GULP1: variants seen among roughly 807,000 people sequenced by gnomAD.
GULP1 encodes the protein GULP PTB domain containing engulfment adaptor 1.
A neutral mutation model predicts 40.9 loss-of-function variants in GULP1; 19 were observed. That is an observed-to-expected ratio of 0.46 (90% CI 0.32 to 0.68). The LOEUF (loss-of-function observed/expected upper bound fraction) is 0.68. GULP1 is among the 30% of genes least tolerant of loss of function. The pLI, the probability that GULP1 is intolerant of heterozygous loss-of-function variation, is 0.03. For missense variants in GULP1, 312 were observed against 362.2 expected, an observed-to-expected ratio of 0.86 and a Z score of 1.12; for synonymous variants, 119 against 117.6, an observed-to-expected ratio of 1.01 and a Z score of -0.08.
chr2:188,302,844 C>T (rs1279902458), intron 1 of GULP1, among the ~76,000 whole-genome samples: 1 of 152,166 alleles, frequency 6.6e-6, no homozygotes, highest in Admixed American at 6.5e-5. Flanking sequence ...GATGATATCT[C>T]ATCACCCTAA....
rs142926025 is a variant in GULP1 at position 188,516,587 on chromosome 2, A to T, written c.91-6169A>T. ...GTTTTTCCTCTTCTCTATTTCTAGG[A>T]CTCTATTTGGTTTAATGTTGGCTCT... On this transcript the variant is annotated intron_variant, in intron 4 of 11. Transcript: ENST00000409830. Among the ~76,000 whole-genome samples, 240 of 151,324 alleles carry T rather than the reference A, an allele frequency of 1.6e-3. 1 individual carries two copies. The highest frequency in any genetic ancestry group is 7.7e-3 in the South Asian group (37 of 4,776).
chr2:188,498,542 A>C (rs1384392643), intron 4 of GULP1, among the ~76,000 whole-genome samples: 2 of 151,916 alleles, frequency 1.3e-5, no homozygotes, highest in African/African-American at 4.8e-5. Flanking sequence ...AATAAACCAA[A>C]AAATGTTTTA....
intron 2 of GULP1, among the ~76,000 whole-genome samples, chr2:188,396,268 C>T (rs550320269): frequency 4.2e-4 from 64 of 152,272 alleles, no homozygotes; most frequent in Non-Finnish European, 3.7e-4. Context: ...CCAGAACAGC[C>T]GGAGGGGCAA....
At position 188,543,476 on chromosome 2, in the gene GULP1, A is replaced by G. The variant is rs148661546; in HGVS notation, c.399+2158A>G. ...CTCAAAATTTTGTTATACCTGCACT[A>G]TCTTAACTATGAGGTTTTATCAGTG... On this transcript the variant is annotated intron_variant, in intron 7 of 11. Coordinates refer to ENST00000409830, the MANE Select transcript of GULP1 (RefSeq NM_016315.4). Among the ~76,000 whole-genome samples, 660 of 152,278 alleles carry G rather than the reference A, an allele frequency of 4.3e-3. 3 individuals carry two copies. The highest frequency in any genetic ancestry group is 6.3e-3 in the Non-Finnish European group (431 of 68,018).
At chr2:188,351,656 A>G (rs1479295698) in intron 1 of GULP1, among the ~76,000 whole-genome samples, 1 of 152,176 alleles carries the variant, frequency 6.6e-6, no homozygotes, top group Non-Finnish European at 1.5e-5. Context: ...ATTTACATGA[A>G]TGTATTCCAA....
At chr2:188,576,168 A>G (rs1362734119) in intron 9 of GULP1, among the ~76,000 whole-genome samples, 2 of 152,054 alleles carry the variant, frequency 1.3e-5, no homozygotes, top group Admixed American at 6.6e-5. Flanking sequence ...TAGACAGCCA[A>G]TTGGAGATGC....
At chr2:188,466,526 C>T (rs1446928375) in intron 2 of GULP1, 1 of 150,822 alleles carries the variant, frequency 6.6e-6, no homozygotes, top group Non-Finnish European at 1.5e-5. Context: ...CTCCTGACCT[C>T]GTGATCCGCC....
At chr2:188,321,325 G>T (rs1289092806) in intron 1 of GULP1, among the ~76,000 whole-genome samples, 1 of 152,006 alleles carries the variant, frequency 6.6e-6, no homozygotes, top group African/African-American at 2.4e-5. Flanking sequence ...AATTTCAAAA[G>T]ATTTGAAAAT....
chr2:188,327,467 T>C (rs921242293), intron 1 of GULP1, among the ~76,000 whole-genome samples: 1 of 152,212 alleles, frequency 6.6e-6, no homozygotes, highest in African/African-American at 2.4e-5. Flanking sequence ...TTGGGACTGG[T>C]CAGATGACAA....
At chr2:188,512,007 G>A (rs969647158) in intron 4 of GULP1, among the ~76,000 whole-genome samples, 2 of 152,016 alleles carry the variant, frequency 1.3e-5, no homozygotes, top group Admixed American at 6.6e-5. Context: ...TTTAGCAAAT[G>A]ACTATTATGA....
intron 2 of GULP1, among the ~76,000 whole-genome samples, chr2:188,401,667 G>A (rs1042043904): frequency 6.6e-6 from 1 of 151,960 alleles, no homozygotes; most frequent in Admixed American, 6.6e-5. Flanking sequence ...ATATATATGG[G>A]GATAGTATTG....
At chr2:188,537,708 TAGAG>T (rs1689298946) in intron 6 of GULP1, among the ~76,000 whole-genome samples, 1 of 152,088 alleles carries the variant, frequency 6.6e-6, no homozygotes, top group South Asian at 2.1e-4. Context: ...TCGAATGAGT[TAGAG>T]AGAGGTTCCT....
chr2:188,321,547 T>C (rs1247174091), intron 1 of GULP1, among the ~76,000 whole-genome samples: 2 of 152,174 alleles, frequency 1.3e-5, no homozygotes, highest in Non-Finnish European at 2.9e-5. Flanking sequence ...AAAATGTTTT[T>C]CACATATAAG....
chr2:188,539,136 G>A (rs1689758204), intron 6 of GULP1, among the ~76,000 whole-genome samples: 3 of 151,970 alleles, frequency 2.0e-5, no homozygotes, highest in Admixed American at 1.3e-4. Context: ...ATTATAGAGT[G>A]CTAGAAATGA....
intron 7 of GULP1, among the ~76,000 whole-genome samples, chr2:188,563,190 A>G (rs1696765181): frequency 6.6e-6 from 1 of 152,072 alleles, no homozygotes; most frequent in Non-Finnish European, 1.5e-5. Context: ...TTGAAATTGG[A>G]CAAACAATAA....
At chr2:188,486,655 A>C (rs953885485) in intron 4 of GULP1, among the ~76,000 whole-genome samples, 1 of 151,974 alleles carries the variant, frequency 6.6e-6, no homozygotes, top group African/African-American at 2.4e-5. Flanking sequence ...TTCACATTTA[A>C]TATTCATAGT....
chr2:188,470,972 T>C (rs1034990830), intron 2 of GULP1, among the ~76,000 whole-genome samples: 1 of 152,180 alleles, frequency 6.6e-6, no homozygotes, highest in African/African-American at 2.4e-5. Flanking sequence ...TGTTAATTTT[T>C]TGTCTGGAAC....
intron 1 of GULP1, among the ~76,000 whole-genome samples, chr2:188,335,279 T>C (rs1393595038): frequency 6.6e-6 from 1 of 152,202 alleles, no homozygotes; most frequent in African/African-American, 2.4e-5. Context: ...GAGACTTTTT[T>C]GATTAATTCT....
chr2:188,368,229 A>G (rs1023721668), intron 1 of GULP1, among the ~76,000 whole-genome samples: 1 of 152,192 alleles, frequency 6.6e-6, no homozygotes, highest in Non-Finnish European at 1.5e-5. Flanking sequence ...AGGGATCTAT[A>G]AAACTGAGAA....
Sources: allele counts gnomAD v4.1 joint callset (sites outside exome capture counted in the v4.1 genomes callset), GRCh38; gene constraint gnomAD v4.1.1; transcripts MANE v1.5; gene names NCBI Gene and HGNC (gene_info 2026-07-23, HGNC 2026-07-21).